The following FOXN3 variants were observed in gnomAD, a reference collection of about 807,000 sequenced individuals.
The protein encoded by FOXN3 is forkhead box protein N3.
Under a neutral mutation model 38.4 loss-of-function variants are expected in FOXN3, and 7 were observed. The ratio of observed to expected loss-of-function variants is 0.18; its 90% confidence interval spans 0.10 to 0.34. FOXN3 has a LOEUF of 0.34. Among genes scored for constraint, FOXN3 ranks in the 10% least tolerant of loss-of-function variants. The pLI, the probability that FOXN3 is intolerant of heterozygous loss-of-function variation, is 1.00. For missense variants in FOXN3, 456 were observed against 613.4 expected (o/e 0.74, Z 2.71); for synonymous variants, 230 against 242.2 (o/e 0.95, Z 0.47).
At chr14:89,261,595 A>G (rs1336420744) in intron 4 of FOXN3, among the ~76,000 whole-genome samples, 2 of 151,728 alleles carry the variant, frequency 1.3e-5, no homozygotes, top group Non-Finnish European at 2.9e-5. Flanking sequence ...GGAGTTCGAG[A>G]CCAGCCCAGC....
At chr14:89,281,530 G>A (rs762018422) in intron 3 of FOXN3, among the ~76,000 whole-genome samples, 23 of 151,840 alleles carry the variant, frequency 1.5e-4, no homozygotes, top group African/African-American at 4.8e-4. Flanking sequence ...TTCTCGTTTC[G>A]TATCCTGTTT....
intron 3 of FOXN3, among the ~76,000 whole-genome samples, chr14:89,325,313 C>T (rs1333871319): frequency 7.9e-6 from 1 of 126,128 alleles, no homozygotes; most frequent in African/African-American, 3.3e-5. Flanking sequence ...ACCACCACCA[C>T]GACCACCACC....
chr14:89,432,554 G>A (rs1566654383), intron 1 of FOXN3, among the ~76,000 whole-genome samples: 1 of 152,124 alleles, frequency 6.6e-6, no homozygotes, highest in Non-Finnish European at 1.5e-5. Context: ...ATTTACAGAT[G>A]AGGACACCAA....
chr14:89,189,581 G>C (rs1887893341), intron 4 of FOXN3, among the ~76,000 whole-genome samples: 1 of 152,250 alleles, frequency 6.6e-6, no homozygotes, highest in Non-Finnish European at 1.5e-5. Context: ...CTGGGTATGG[G>C]ATGTGGGCAC....
At position 89,162,540 on chromosome 14, in the gene FOXN3, A is replaced by G. The variant is rs748336970; in HGVS notation, c.1281T>C (p.Asp427=). The G allele has an allele frequency of 8.9e-5, 143 of 1,608,242 alleles. No individual in the cohort carries two copies. The highest frequency in any genetic ancestry group is 1.1e-4 in the Non-Finnish European group (133 of 1,178,424). Residue 427 remains aspartate (D), a synonymous_variant, in exon 6 of 6, where the codon GAT becomes GAC. Coordinates refer to ENST00000557258, the MANE Select transcript of FOXN3 (RefSeq NM_005197.4). This position sits in a 1 kb window ranked among gnomAD's most constrained non-coding sequence, Gnocchi z 7.2. ...CTGCCGCTTCTTTCATCTCCTCATCATCGCTCTCGGGGGGCTTTTCGGTGC... is the reference window on the plus strand; with the variant it reads ...CTGCCGCTTCTTTCATCTCCTCATCGTCGCTCTCGGGGGGCTTTTCGGTGC... ...KRRTEKPPES[D]DEEMKEAAGS...
At chr14:89,462,278 G>A (rs1892863426) in intron 1 of FOXN3, among the ~76,000 whole-genome samples, 2 of 152,134 alleles carry the variant, frequency 1.3e-5, no homozygotes, top group African/African-American at 4.8e-5. Flanking sequence ...AAATACACAG[G>A]ACTGGGACAC....
intron 3 of FOXN3, among the ~76,000 whole-genome samples, chr14:89,346,130 G>A (rs1252937616): frequency 6.6e-6 from 1 of 152,146 alleles, no homozygotes; most frequent in Non-Finnish European, 1.5e-5. Flanking sequence ...CCTTTTTATG[G>A]CTGAGTAGTA....
At chr14:89,260,475 C>T (rs1885763356) in intron 4 of FOXN3, among the ~76,000 whole-genome samples, 1 of 152,230 alleles carries the variant, frequency 6.6e-6, no homozygotes, top group South Asian at 2.1e-4. Flanking sequence ...TAACCCAGCT[C>T]ATCTATATCA....
chr14:89,191,682 A>G (rs1887946748), intron 4 of FOXN3, among the ~76,000 whole-genome samples: 2 of 151,432 alleles, frequency 1.3e-5, no homozygotes, highest in Admixed American at 6.6e-5. Flanking sequence ...AAGGAGTAAC[A>G]TGATTGGTAA....
At position 89,162,410 on chromosome 14, in the gene FOXN3, GT is replaced by G; in HGVS notation, c.*3del. On this transcript the variant is annotated 3_prime_UTR_variant, in exon 6 of 6. Transcript: ENST00000557258. The surrounding 1 kb of genome is among the most constrained non-coding windows in gnomAD (Gnocchi z 7.2). ...TAAGTTCAAAACAAATCAGTGACTT[GT>G]TTTTAATTTTTTGTGGTTTCCTTTT... is the stretch of plus-strand genomic sequence containing the variant. The G allele has an allele frequency of 6.5e-7, 1 of 1,542,152 alleles. No homozygotes were observed. The highest frequency in any genetic ancestry group is 8.7e-7 in the Non-Finnish European group (1 of 1,145,142).
intron 3 of FOXN3, among the ~76,000 whole-genome samples, chr14:89,313,593 C>CACGT (rs1244999522): frequency 3.5e-5 from 2 of 56,942 alleles, no homozygotes. Flanking sequence ...AGACGAAGTC[C>CACGT]ATGTATACTA....
At chr14:89,439,158 T>C (rs147910297) in intron 1 of FOXN3, among the ~76,000 whole-genome samples, 2 of 152,272 alleles carry the variant, frequency 1.3e-5, no homozygotes, top group African/African-American at 4.8e-5. Context: ...TTCTATATGC[T>C]GGGCTCATAG....
intron 3 of FOXN3, among the ~76,000 whole-genome samples, chr14:89,332,203 G>C (rs527910968): frequency 1.3e-5 from 2 of 152,076 alleles, no homozygotes; most frequent in African/African-American, 2.4e-5. Flanking sequence ...ATTTTCTGTT[G>C]AACAGCGCAG....
At chr14:89,447,616 T>C (rs1173271770) in intron 1 of FOXN3, among the ~76,000 whole-genome samples, 1 of 151,802 alleles carries the variant, frequency 6.6e-6, no homozygotes, top group Non-Finnish European at 1.5e-5. Flanking sequence ...AAATATATAC[T>C]CTACTAGGAA....
chr14:89,265,035 G>C (rs978038305), intron 4 of FOXN3, among the ~76,000 whole-genome samples: 1 of 152,100 alleles, frequency 6.6e-6, no homozygotes, highest in East Asian at 1.9e-4. Context: ...TTATTATTTG[G>C]ATTTTCCAAA....
intron 4 of FOXN3, among the ~76,000 whole-genome samples, chr14:89,241,158 A>G (rs745541735): frequency 1.4e-4 from 22 of 152,220 alleles, no homozygotes; most frequent in Non-Finnish European, 2.2e-4. Flanking sequence ...CCAAAGTGAC[A>G]CAACGGCATT....
At position 89,511,209 on chromosome 14, in the gene FOXN3, TTC is replaced by T. The variant is rs1355168198; in HGVS notation, c.-14-98721_-14-98720del. Among the ~76,000 whole-genome samples, 17 of 18,220 alleles carry T rather than the reference TTC, an allele frequency of 9.3e-4. 5 individuals are homozygous for T. Among genetic ancestry groups the T allele is most frequent in the South Asian group, 2.1e-3 (2 of 934 alleles). The allele number at this position is 18,220 out of a possible 152,430, so 12.0% of individuals were successfully genotyped here. On this transcript the variant is annotated intron_variant, in intron 1 of 6. Coordinates refer to the FOXN3 transcript ENST00000345097. ...TCTTTCTTTTCTTTCTTTCTTTTCT[TTC>T]TTTCTTTCTTTCTTTCTTTTCTTTC...
At chr14:89,339,881 C>A (rs146819227) in intron 3 of FOXN3, among the ~76,000 whole-genome samples, 1 of 152,156 alleles carries the variant, frequency 6.6e-6, no homozygotes, top group Non-Finnish European at 1.5e-5. Context: ...ACCTCCCACG[C>A]GGGACTCTGC....
At chr14:89,308,509 T>C (rs1887442602) in intron 3 of FOXN3, among the ~76,000 whole-genome samples, 1 of 152,158 alleles carries the variant, frequency 6.6e-6, no homozygotes, top group African/African-American at 2.4e-5. Flanking sequence ...TGTCATTCTG[T>C]GAATGAAGAT....
Sources: allele counts gnomAD v4.1 joint callset (sites outside exome capture counted in the v4.1 genomes callset), GRCh38; gene constraint gnomAD v4.1.1; non-coding constraint Gnocchi (gnomAD v3.1); transcripts MANE v1.5; gene names NCBI Gene and HGNC (gene_info 2026-07-23, HGNC 2026-07-21).